FMN1: variants seen among roughly 807,000 people sequenced by gnomAD.
FMN1 encodes the protein formin 1, also known as formin-1.
FMN1 carries 110 observed loss-of-function variants against 132.4 expected under a neutral mutation model. The observed-to-expected ratio is 0.83, with a 90% CI of 0.71 to 0.97. The LOEUF (loss-of-function observed/expected upper bound fraction) is 0.97, where lower values mean the gene tolerates loss of function less well. Among genes scored for constraint, FMN1 ranks in the 50% least tolerant of loss-of-function variants. The probability of loss-of-function intolerance (pLI) is 0.00; values close to 1 mark genes in which losing one functional copy is unlikely to be tolerated. For missense variants in FMN1, 1,792 were observed against 1,705.3 expected (o/e 1.05, Z -0.90); for synonymous variants, 722 against 651.7 (o/e 1.11, Z -1.64).
chr15:32,788,821 CCTT>C (rs1328417435), intron 19 of FMN1, among the ~76,000 whole-genome samples: 1 of 152,228 alleles, frequency 6.6e-6, no homozygotes, highest in Non-Finnish European at 1.5e-5. Flanking sequence ...ATCTCCACTT[CCTT>C]CTTTTTTTCT....
At chr15:33,192,544 T>A (rs1311577161) in intron 2 of FMN1, among the ~76,000 whole-genome samples, 1 of 152,222 alleles carries the variant, frequency 6.6e-6, no homozygotes, top group Admixed American at 6.5e-5. Context: ...TAAAGCTGCA[T>A]CTTTAACGTA....
At chr15:33,177,899 T>G (rs1177639531) in intron 3 of FMN1, among the ~76,000 whole-genome samples, 2 of 152,042 alleles carry the variant, frequency 1.3e-5, no homozygotes, top group South Asian at 2.1e-4. Flanking sequence ...TCCCAGCTAC[T>G]TGGGAGGCTG....
intron 4 of FMN1, among the ~76,000 whole-genome samples, chr15:33,149,078 A>G (rs1458623272): frequency 6.6e-6 from 1 of 151,310 alleles, no homozygotes; most frequent in Non-Finnish European, 1.5e-5. Flanking sequence ...CACTACAACC[A>G]GAGAAACAAT....
chr15:33,157,263 CAA>C (rs57411775), intron 3 of FMN1, among the ~76,000 whole-genome samples: 31 of 120,426 alleles, frequency 2.6e-4, no homozygotes, highest in African/African-American at 7.3e-4. Context: ...GACTCCATCT[CAA>C]AAAAAAAAAA....
intron 9 of FMN1, among the ~76,000 whole-genome samples, chr15:32,951,719 C>T (rs2061657848): frequency 6.6e-6 from 1 of 152,196 alleles, no homozygotes; most frequent in Non-Finnish European, 1.5e-5. Flanking sequence ...TTCACAACCA[C>T]CTTTGAAGCA....
chr15:32,920,812 A>T (rs2060802148), intron 10 of FMN1, among the ~76,000 whole-genome samples: 1 of 152,198 alleles, frequency 6.6e-6, no homozygotes, highest in South Asian at 2.1e-4. Context: ...AACCGTAGCA[A>T]TTCTCTCTCC....
At chr15:33,091,281 G>C (rs1254975111) in intron 4 of FMN1, among the ~76,000 whole-genome samples, 1 of 152,096 alleles carries the variant, frequency 6.6e-6, no homozygotes, top group Non-Finnish European at 1.5e-5. Context: ...AAACACACAT[G>C]CATGCATATT....
In FMN1 at chr15:32,774,042, T is replaced by C. The variant is rs1005801486; in HGVS notation, c.*268A>G. ...AAACATTTTGGTATTTCTTCTGCTCTTAGAGTGGACTTTGGGCTTCCACAA... is the reference window on the plus strand; with the variant it reads ...AAACATTTTGGTATTTCTTCTGCTCCTAGAGTGGACTTTGGGCTTCCACAA... On this transcript the variant is annotated 3_prime_UTR_variant, in exon 21 of 21. Transcript: ENST00000616417. The C allele has an allele frequency of 1.0e-5, 5 of 476,998 alleles. No homozygotes were observed. The highest frequency in any genetic ancestry group is 2.1e-5 in the African/African-American group (1 of 48,592). 29.5% of individuals were successfully genotyped at this position (476,998 alleles called of 1,614,324 possible).
intron 19 of FMN1, among the ~76,000 whole-genome samples, chr15:32,783,743 TCAAAAAAA>T (rs2056751087): frequency 3.1e-5 from 1 of 32,492 alleles, no homozygotes; most frequent in South Asian, 1.8e-3. Flanking sequence ...AGACTCTGTT[TCAAAAAAA>T]AAAAAAAAAA....
At chr15:33,121,684 A>AT (rs61197747) in intron 4 of FMN1, among the ~76,000 whole-genome samples, 18,140 of 152,048 alleles carry the variant, frequency 0.12, 3,224 homozygotes, top group African/African-American at 0.39. Flanking sequence ...GTCAGCCACC[A>AT]TGCCCAGCTT....
At chr15:32,807,392 T>C (rs1287400102) in intron 17 of FMN1, among the ~76,000 whole-genome samples, 4 of 152,246 alleles carry the variant, frequency 2.6e-5, no homozygotes, top group Admixed American at 6.5e-5. Context: ...GCCAATCAGA[T>C]ACTGAGAAAT....
Position 33,153,365 on chromosome 15 carries a change from G to C in FMN1, c.1550C>G (p.Thr517Arg). ...AGACAGAGGCGAGGGAACAGGTGAC[G>C]TCTGTTTGTGTGTGCTGGACTGCGA... is the stretch of plus-strand genomic sequence containing the variant. ...SASQSSTHKQ[T>R]SPVPSPLSPR... is the part of the protein sequence containing the mutation. Residue 517 changes from threonine to arginine, a missense_variant, in exon 4 of 21, where the codon ACG (threonine) becomes AGG (arginine). Around this residue, in one of 3 missense-constraint regions of FMN1, gnomAD observed 638 missense variants for 645.2 expected, o/e 0.99. Coordinates refer to ENST00000616417, the MANE Select transcript of FMN1 (RefSeq NM_001277313.2). 6.5e-7 allele frequency: 1 copy of C among 1,536,448 alleles called. No individual in the cohort carries two copies. The highest frequency in any genetic ancestry group is 8.7e-7 in the Non-Finnish European group (1 of 1,146,964).
At chr15:32,992,635 T>C (rs2033505455) in intron 7 of FMN1, among the ~76,000 whole-genome samples, 1 of 152,178 alleles carries the variant, frequency 6.6e-6, no homozygotes, top group African/African-American at 2.4e-5. Flanking sequence ...ATGCAGTAAA[T>C]ATAACTTAGA....
Position 32,960,995 on chromosome 15 carries a change from C to CAAAAAAAAAAAAAAA in FMN1, c.3138+3097_3138+3111dup, listed in dbSNP as rs539245532. ...AGATGACAAGAGTGAGACTCCGTCT[C>CAAAAAAAAAAAAAAA]AAAAAAAAAAAAAAAAAAAAAAAAG... On this transcript the variant is annotated intron_variant, in intron 9 of 20. Coordinates refer to ENST00000616417, the MANE Select transcript of FMN1 (RefSeq NM_001277313.2). 2.9e-4 allele frequency among the ~76,000 whole-genome samples: 17 copies of CAAAAAAAAAAAAAAA among 59,096 alleles called. 2 individuals are homozygous for CAAAAAAAAAAAAAAA. In the East Asian group the frequency reaches 7.9e-3, roughly 28 times the overall value. 38.8% of individuals were successfully genotyped at this position (59,096 alleles called of 152,430 possible). A position where few individuals can be genotyped will look rare whatever the true frequency, so the allele number is the denominator to read the frequency against.
chr15:32,857,233 A>G, intron 16 of FMN1, 126 bp from the exon 17 acceptor site: 1 of 705,856 alleles, frequency 1.4e-6, no homozygotes, highest in Non-Finnish European at 2.5e-6. Context: ...CTGTTGGTCC[A>G]AATTCCAGGA....
At chr15:32,906,034 C>A (rs1461568922) in intron 12 of FMN1, among the ~76,000 whole-genome samples, 1 of 152,190 alleles carries the variant, frequency 6.6e-6, no homozygotes. Context: ...AAATGCTTTT[C>A]TATCTAGATC....
intron 10 of FMN1, among the ~76,000 whole-genome samples, chr15:32,925,864 C>T (rs2060946507): frequency 6.6e-6 from 1 of 152,126 alleles, no homozygotes; most frequent in African/African-American, 2.4e-5. Flanking sequence ...AGTTTGAGAC[C>T]AGCCTGGGCA....
At chr15:33,123,030 T>C (rs1050959342) in intron 4 of FMN1, among the ~76,000 whole-genome samples, 4 of 151,514 alleles carry the variant, frequency 2.6e-5, no homozygotes, top group African/African-American at 9.7e-5. Context: ...TCTGACCATG[T>C]TCACACAACT....
At chr15:33,110,429 G>C (rs1018177829) in intron 4 of FMN1, among the ~76,000 whole-genome samples, 6 of 151,982 alleles carry the variant, frequency 3.9e-5, no homozygotes, top group African/African-American at 1.4e-4. Flanking sequence ...AATTTTAGCA[G>C]TAATTTTTCT....
Sources: gnomAD v4.1 joint callset for allele counts (sites outside exome capture counted in the v4.1 genomes callset) on GRCh38, gnomAD v4.1.1 for gene constraint, gnomAD v4.1.1 regional missense constraint, MANE v1.5 for transcripts, NCBI Gene and HGNC (gene_info 2026-07-23, HGNC 2026-07-21) for gene names.